DRC8: variants seen among roughly 807,000 people sequenced by gnomAD.
The protein encoded by DRC8 is dynein regulatory complex subunit 8.
the DRC8 span, chr1:245,015,664 C>T: frequency 5.2e-6 from 1 of 191,506 alleles, no homozygotes; most frequent in Non-Finnish European, 1.1e-5. Context: ...GAGCCGAGAT[C>T]AAGCCACTGC....
At chr1:245,067,404 A>G in the DRC8 span, among the ~76,000 whole-genome samples, 1 of 152,334 alleles carries the variant, frequency 6.6e-6, no homozygotes, top group East Asian at 1.9e-4. Context: ...ATCTGTGGTC[A>G]GTGGTTTAAT....
the DRC8 span, among the ~76,000 whole-genome samples, chr1:245,098,555 G>C: frequency 6.6e-6 from 1 of 152,220 alleles, no homozygotes; most frequent in Non-Finnish European, 1.5e-5. Flanking sequence ...TCACCCAGTT[G>C]TTTCTCTTCA....
At chr1:244,985,633 G>GT in the DRC8 span, among the ~76,000 whole-genome samples, 3 of 152,140 alleles carry the variant, frequency 2.0e-5, no homozygotes, top group Admixed American at 2.0e-4. Context: ...GGAGGCCAAG[G>GT]TGGGCAGATC....
At chr1:245,064,596 A>G in the DRC8 span, among the ~76,000 whole-genome samples, 1 of 152,200 alleles carries the variant, frequency 6.6e-6, no homozygotes, top group Non-Finnish European at 1.5e-5. Context: ...TTCTTGGGAA[A>G]GAGTGCCTTG....
chr1:245,038,194 A>C, the DRC8 span, among the ~76,000 whole-genome samples: 2 of 152,158 alleles, frequency 1.3e-5, no homozygotes, highest in African/African-American at 4.8e-5. Flanking sequence ...AAGGTGGCCC[A>C]GCGTGGTGGC....
At chr1:245,019,184 C>T in the DRC8 span, among the ~76,000 whole-genome samples, 2 of 152,046 alleles carry the variant, frequency 1.3e-5, no homozygotes, top group Non-Finnish European at 2.9e-5. Flanking sequence ...GTTCTTACAA[C>T]CTAAAGAGTC....
At chr1:245,117,970 A>G in the DRC8 span, among the ~76,000 whole-genome samples, 1 of 152,200 alleles carries the variant, frequency 6.6e-6, no homozygotes, top group East Asian at 1.9e-4. Flanking sequence ...TCTGTCTCCA[A>G]TAAATAAATA....
chr1:245,086,515 T>C, the DRC8 span, among the ~76,000 whole-genome samples: 1 of 152,250 alleles, frequency 6.6e-6, no homozygotes, highest in Non-Finnish European at 1.5e-5. Flanking sequence ...CTGGATGTCA[T>C]ATGATAAAAT....
the DRC8 span, among the ~76,000 whole-genome samples, chr1:245,116,374 T>C: frequency 6.6e-6 from 1 of 151,938 alleles, no homozygotes; most frequent in Non-Finnish European, 1.5e-5. Flanking sequence ...GGCAATGGAG[T>C]GAGACCTTGC....
At chr1:245,015,484 G>A in the DRC8 span, among the ~76,000 whole-genome samples, 3 of 152,238 alleles carry the variant, frequency 2.0e-5, no homozygotes, top group East Asian at 1.9e-4. Context: ...GCTGAGGCGG[G>A]TGGATAATGA....
At chr1:245,101,982 G>T in the DRC8 span, among the ~76,000 whole-genome samples, 2 of 152,162 alleles carry the variant, frequency 1.3e-5, no homozygotes, top group Non-Finnish European at 2.9e-5. Context: ...CGAGATCAGG[G>T]CCAACAGTGG....
chr1:245,097,697 G>T, the DRC8 span, among the ~76,000 whole-genome samples: 2 of 152,138 alleles, frequency 1.3e-5, no homozygotes, highest in African/African-American at 4.8e-5. This position sits in a 1 kb window ranked among gnomAD's most constrained non-coding sequence, Gnocchi z 5.0. Context: ...AGGATAAGGG[G>T]TGAGAGTGAT....
At chr1:245,025,123 C>A in the DRC8 span, among the ~76,000 whole-genome samples, 3 of 151,852 alleles carry the variant, frequency 2.0e-5, no homozygotes, top group Non-Finnish European at 1.5e-5. Flanking sequence ...AATGTCATTT[C>A]GAGTAGTTTT....
At chr1:245,083,947 A>C in the DRC8 span, 1 of 353,262 alleles carries the variant, frequency 2.8e-6, no homozygotes. Context: ...CAGGCATTGC[A>C]TTCAGAGCAT....
At chr1:244,995,412 C>T in the DRC8 span, among the ~76,000 whole-genome samples, 50 of 151,964 alleles carry the variant, frequency 3.3e-4, no homozygotes, top group Non-Finnish European at 5.1e-4. Context: ...GGCTGGATTG[C>T]AGTGGTGCGA....
At chr1:245,118,806 A>AAAAGAAAAGAAAAGAAAAGG in the DRC8 span, among the ~76,000 whole-genome samples, 1 of 74,524 alleles carries the variant, frequency 1.3e-5, no homozygotes. Context: ...AAAAGAAAAG[A>AAAAGAAAAGAAAAGAAAAGG]AAAGAAAAGA....
chr1:245,093,559 G>A, the DRC8 span, among the ~76,000 whole-genome samples: 10 of 151,888 alleles, frequency 6.6e-5, no homozygotes, highest in Admixed American at 4.6e-4. Context: ...TTAGCCAGGC[G>A]TGGTGGTGCA....
the DRC8 span, chr1:245,087,195 A>C: frequency 1.3e-6 from 2 of 1,588,422 alleles, no homozygotes; most frequent in African/African-American, 2.7e-5. Context: ...TGGAAAGAGA[A>C]AAAAATCAGA....
chr1:245,119,233 C>T, the DRC8 span, among the ~76,000 whole-genome samples: 1 of 152,140 alleles, frequency 6.6e-6, no homozygotes, highest in East Asian at 1.9e-4. Context: ...TAATTTCTCA[C>T]TTCTAGTGGT....
Sources: gnomAD v4.1 joint callset for allele counts (sites outside exome capture counted in the v4.1 genomes callset) on GRCh38, gnomAD v4.1.1 for gene constraint, Gnocchi (gnomAD v3.1) non-coding constraint, MANE v1.5 for transcripts, NCBI Gene and HGNC (gene_info 2026-07-23, HGNC 2026-07-21) for gene names.